The following SLC24A4 variants were observed in gnomAD, a reference collection of about 807,000 sequenced individuals.
SLC24A4 encodes the protein sodium/potassium/calcium exchanger 4.
Under a neutral mutation model 79.0 loss-of-function variants are expected in SLC24A4, and 53 were observed. That is an observed-to-expected ratio of 0.67 (90% confidence interval 0.54 to 0.84). The LOEUF is 0.84. Ranked by LOEUF, SLC24A4 falls within the 40% of genes least tolerant of loss-of-function variation. The pLI, the probability that SLC24A4 is intolerant of heterozygous loss-of-function variation, is 0.00. For missense variants in SLC24A4, 731 were observed against 822.0 expected (o/e 0.89, Z 1.35); for synonymous variants, 323 against 323.8 (o/e 1.00, Z 0.03).
chr14:92,440,602 G>A (rs1002303929), intron 4 of SLC24A4, among the ~76,000 whole-genome samples: 2 of 152,010 alleles, frequency 1.3e-5, no homozygotes, highest in Admixed American at 6.5e-5. Flanking sequence ...CTACAGTGTA[G>A]GGCCACATAC....
chr14:92,383,078 G>A (rs1311717558), intron 2 of SLC24A4, among the ~76,000 whole-genome samples: 1 of 152,196 alleles, frequency 6.6e-6, no homozygotes, highest in Non-Finnish European at 1.5e-5. Flanking sequence ...TTGGCCGGCT[G>A]CCTGCTCGCT....
intron 12 of SLC24A4, among the ~76,000 whole-genome samples, chr14:92,458,220 T>C (rs1039175550): frequency 1.3e-5 from 2 of 152,160 alleles, no homozygotes; most frequent in African/African-American, 4.8e-5. Flanking sequence ...TCAGAATTGC[T>C]GGCCAACACC....
chr14:92,333,334 A>G (rs1456763279), intron 2 of SLC24A4, among the ~76,000 whole-genome samples: 1 of 152,086 alleles, frequency 6.6e-6, no homozygotes, highest in African/African-American at 2.4e-5. Flanking sequence ...GCCTCAAGCG[A>G]TCCACCTGCC....
intron 2 of SLC24A4, among the ~76,000 whole-genome samples, chr14:92,424,155 G>A (rs1891443242): frequency 6.6e-6 from 1 of 152,116 alleles, no homozygotes; most frequent in Admixed American, 6.5e-5. Flanking sequence ...CTGTAATGCA[G>A]TGTGACCACA....
intron 2 of SLC24A4, among the ~76,000 whole-genome samples, chr14:92,428,213 G>T (rs913686238): frequency 1.3e-5 from 2 of 152,160 alleles, no homozygotes; most frequent in Admixed American, 1.3e-4. Flanking sequence ...GCCTCTTGAC[G>T]CTTAGGTCTG....
chr14:92,456,329 AG>A (rs2139848602), intron 11 of SLC24A4, 74 bp from the exon 12 acceptor site: 3 of 1,504,758 alleles, frequency 2.0e-6, no homozygotes, highest in East Asian at 4.6e-5. Context: ...GGTGCGTGTG[AG>A]GGACCCAGCG....
chr14:92,429,359 TGTATGTGAGATAGATAA>T (rs11274223), intron 2 of SLC24A4, among the ~76,000 whole-genome samples: 87,311 of 151,206 alleles, frequency 0.58, 25,615 homozygotes, highest in East Asian at 0.81. Flanking sequence ...TGAGTTTTAG[TGTATGTGAGATAGATAA>T]GTATGTGAGA....
At chr14:92,376,846 G>A (rs1888535819) in intron 2 of SLC24A4, among the ~76,000 whole-genome samples, 2 of 152,204 alleles carry the variant, frequency 1.3e-5, no homozygotes, top group Non-Finnish European at 2.9e-5. Flanking sequence ...CAGGGGGGTT[G>A]CTAGTGGGTA....
At chr14:92,335,644 T>C (rs1885745101) in intron 2 of SLC24A4, among the ~76,000 whole-genome samples, 1 of 152,164 alleles carries the variant, frequency 6.6e-6, no homozygotes, top group Non-Finnish European at 1.5e-5. Context: ...ATTACAGGCG[T>C]GAGCCACTGC....
chr14:92,380,686 A>G (rs1888794591), intron 2 of SLC24A4, among the ~76,000 whole-genome samples: 1 of 152,238 alleles, frequency 6.6e-6, no homozygotes, highest in Non-Finnish European at 1.5e-5. Context: ...GCCCAGGGTC[A>G]CACAACACTG....
intron 2 of SLC24A4, among the ~76,000 whole-genome samples, chr14:92,370,340 C>G (rs1224221142): frequency 6.6e-6 from 1 of 152,172 alleles, no homozygotes; most frequent in Non-Finnish European, 1.5e-5. Context: ...CTGTGGATTT[C>G]ACTTTCTTTG....
At chr14:92,350,773 A>G (rs1318372396) in intron 2 of SLC24A4, among the ~76,000 whole-genome samples, 1 of 152,218 alleles carries the variant, frequency 6.6e-6, no homozygotes, top group Non-Finnish European at 1.5e-5. Context: ...AGATATGCTC[A>G]CTTGCCACCT....
chr14:92,360,482 A>G (rs1212872725), intron 2 of SLC24A4, among the ~76,000 whole-genome samples: 2 of 152,198 alleles, frequency 1.3e-5, no homozygotes, highest in African/African-American at 2.4e-5. Flanking sequence ...TGATTATTTC[A>G]TACAGTGGGA....
chr14:92,481,119 C>T (rs1350862602), intron 12 of SLC24A4, among the ~76,000 whole-genome samples: 1 of 152,208 alleles, frequency 6.6e-6, no homozygotes, highest in East Asian at 1.9e-4. Flanking sequence ...AGTAGCCTTT[C>T]CTTCTTATTT....
chr14:92,459,618 C>T (rs1396471298), intron 12 of SLC24A4, among the ~76,000 whole-genome samples: 2 of 152,196 alleles, frequency 1.3e-5, no homozygotes, highest in Admixed American at 6.5e-5. Flanking sequence ...CCAGGGGAAA[C>T]CTCCTTTGTG....
chr14:92,393,143 T>C (rs555713778), intron 2 of SLC24A4, among the ~76,000 whole-genome samples: 1 of 152,386 alleles, frequency 6.6e-6, no homozygotes, highest in African/African-American at 2.4e-5. Context: ...CCATCGAATC[T>C]GCTGGGGCTT....
rs1223548236 is a variant in SLC24A4 at position 92,449,677 on chromosome 14, A to C, written c.880+461A>C. Among the ~76,000 whole-genome samples, 3 of 152,292 alleles carry C rather than the reference A, an allele frequency of 2.0e-5. No homozygotes were observed. The East Asian group carries it at 5.8e-4, about 29-fold the overall frequency. The stretch of plus-strand genomic sequence containing the variant: ...GATGGAGAACGGCTCTGGACAAAGC[A>C]TGGGTTCTCGGGCTGGGAACTGTTG... On this transcript the variant is annotated intron_variant, in intron 10 of 16. Coordinates refer to ENST00000532405, the MANE Select transcript of SLC24A4 (RefSeq NM_153646.4).
chr14:92,335,136 C>G (rs765065238), intron 2 of SLC24A4, among the ~76,000 whole-genome samples: 2 of 152,094 alleles, frequency 1.3e-5, no homozygotes, highest in Non-Finnish European at 2.9e-5. Flanking sequence ...ATTTTTAGAG[C>G]AGTTGTGGGT....
At chr14:92,373,940 A>G (rs751031434) in intron 2 of SLC24A4, among the ~76,000 whole-genome samples, 15 of 152,148 alleles carry the variant, frequency 9.9e-5, no homozygotes, top group Non-Finnish European at 1.9e-4. Context: ...CCCCCTTCTC[A>G]TATTATTATT....
Sources: gnomAD v4.1 joint callset for allele counts (sites outside exome capture counted in the v4.1 genomes callset) on GRCh38, gnomAD v4.1.1 for gene constraint, MANE v1.5 for transcripts, NCBI Gene and HGNC (gene_info 2026-07-23, HGNC 2026-07-21) for gene names.